The following TRAPPC9 variants were observed in gnomAD, a reference collection of about 807,000 sequenced individuals.
TRAPPC9 encodes the protein trafficking protein particle complex subunit 9, also known as IKK2 binding protein.
In TRAPPC9, 83 loss-of-function variants were observed where a neutral mutation model predicts 124.0. The observed-to-expected ratio is 0.67, with a 90% CI of 0.56 to 0.80. TRAPPC9 has a LOEUF of 0.80. Among genes scored for constraint, TRAPPC9 ranks in the 30% least tolerant of loss-of-function variants. The pLI, the probability that TRAPPC9 is intolerant of heterozygous loss-of-function variation, is 0.00. For synonymous variants in TRAPPC9, 638 were observed against 617.5 expected (o/e 1.03, Z -0.49); for missense variants, 1,302 against 1,508.3 (o/e 0.86, Z 2.27).
At chr8:139,851,336 T>C (rs1827442330) in intron 21 of TRAPPC9, among the ~76,000 whole-genome samples, 1 of 152,150 alleles carries the variant, frequency 6.6e-6, no homozygotes, top group Non-Finnish European at 1.5e-5. Context: ...TACTTTCAAC[T>C]GGAATTCAGG....
rs375225990 is a variant in TRAPPC9 at position 139,803,729 on chromosome 8, G to C, written c.3056-71527C>G. On this transcript the variant is annotated intron_variant, in intron 21 of 22. Transcript: ENST00000438773. ...CAAAGGCGATATGTGGCTGTTCCCC[G>C]GAGTCACTGGAAGGCAGGGCTATTT... Among the ~76,000 whole-genome samples, 9 of 152,274 alleles carry C rather than the reference G, an allele frequency of 5.9e-5. No individual in the cohort carries two copies. The East Asian group carries it at 1.5e-3, about 26-fold the overall frequency.
In TRAPPC9 at chr8:140,097,366, C is replaced by T. The variant is rs1174298138; in HGVS notation, c.2557-73287G>A. On this transcript the variant is annotated intron_variant, in intron 17 of 22. Transcript: ENST00000438773. This position sits in a 1 kb window ranked among gnomAD's most constrained non-coding sequence, Gnocchi z 4.2. The stretch of plus-strand genomic sequence containing the variant: ...GCCACTGTCTGCAGGGTAAGGACGC[C>T]CACCTGGGTTCTTGTGCCAGCCACA... The T allele has an allele frequency of 6.6e-6, 1 of 152,292 alleles. No homozygotes were observed. The highest frequency in any genetic ancestry group is 1.9e-4 in the East Asian group (1 of 5,182). 9.4% of individuals were successfully genotyped at this position (152,292 alleles called of 1,614,324 possible).
chr8:140,450,968 G>A lies in TRAPPC9; in HGVS notation c.406C>T (p.Pro136Ser), dbSNP rs761920741. 2 of 1,614,146 alleles carry A rather than the reference G, an allele frequency of 1.2e-6. No homozygotes were observed. Among genetic ancestry groups the A allele is most frequent in the Non-Finnish European group, 1.7e-6 (2 of 1,180,020 alleles). ...EQPRTDVAFY[P>S]NYEDCQTVEK... Reference sequence around the variant, plus strand: ...ACCGTCTGGCAGTCCTCGTAGTTGGGGTAGAAAGCCACGTCGGTGCGCGGC... The same window carrying A: ...ACCGTCTGGCAGTCCTCGTAGTTGGAGTAGAAAGCCACGTCGGTGCGCGGC... Residue 136 changes from proline (P) to serine (S), a missense_variant, in exon 2 of 23, where the codon CCC (proline) becomes TCC (serine). This residue lies in a region of TRAPPC9 where 657 missense variants were observed against 811.2 expected (regional missense o/e 0.81). Coordinates refer to ENST00000438773, the MANE Select transcript of TRAPPC9 (RefSeq NM_001160372.4).
chr8:139,786,623 C>G (rs1243684507), intron 21 of TRAPPC9, among the ~76,000 whole-genome samples: 1 of 152,184 alleles, frequency 6.6e-6, no homozygotes, highest in Non-Finnish European at 1.5e-5. Context: ...GTCTTAGCTG[C>G]TTTACATTTG....
chr8:140,348,934 G>A (rs2067434454), intron 9 of TRAPPC9, among the ~76,000 whole-genome samples: 1 of 152,062 alleles, frequency 6.6e-6, no homozygotes, highest in Non-Finnish European at 1.5e-5. Flanking sequence ...GCTGGGAAAA[G>A]GAAGAAAGCA....
chr8:139,871,728 A>C (rs1381386145), intron 21 of TRAPPC9, among the ~76,000 whole-genome samples: 1 of 152,232 alleles, frequency 6.6e-6, no homozygotes, highest in East Asian at 1.9e-4. Flanking sequence ...TCTAGCACAG[A>C]CTGGCACCAA....
At chr8:140,159,883 C>T (rs1450448952) in intron 17 of TRAPPC9, among the ~76,000 whole-genome samples, 2 of 152,156 alleles carry the variant, frequency 1.3e-5, no homozygotes, top group Non-Finnish European at 2.9e-5. Flanking sequence ...TAGTCTGCGG[C>T]CCCTGTTTTA....
chr8:140,153,708 G>A (rs963207879), intron 17 of TRAPPC9, among the ~76,000 whole-genome samples: 5 of 152,134 alleles, frequency 3.3e-5, no homozygotes, highest in Non-Finnish European at 7.4e-5. Context: ...GACCAGCACA[G>A]TGATTTTTCT....
At chr8:140,039,233 G>C (rs980258957) in intron 17 of TRAPPC9, among the ~76,000 whole-genome samples, 2 of 152,190 alleles carry the variant, frequency 1.3e-5, no homozygotes, top group South Asian at 2.1e-4. Context: ...TATTAACCAG[G>C]ACTATAAACG....
Position 139,884,190 on chromosome 8 carries a change from T to A in TRAPPC9, c.3055+1689A>T, listed in dbSNP as rs1829856825. On this transcript the variant is annotated intron_variant, in intron 21 of 22. Transcript: ENST00000438773. Reference sequence around the variant, plus strand: ...ACCCTCCCTACCCTTAGGGCCCACCTAGAACAGTGTCAAGGGCAGTTCGTG... The same window carrying A: ...ACCCTCCCTACCCTTAGGGCCCACCAAGAACAGTGTCAAGGGCAGTTCGTG... 2.6e-5 allele frequency among the ~76,000 whole-genome samples: 4 copies of A among 152,082 alleles called. No homozygotes were observed. In the South Asian group the frequency reaches 8.3e-4, roughly 32 times the overall value.
At chr8:140,267,663 GT>G (rs1212255226) in intron 15 of TRAPPC9, among the ~76,000 whole-genome samples, 1 of 107,544 alleles carries the variant, frequency 9.3e-6, no homozygotes, top group Non-Finnish European at 1.8e-5. Flanking sequence ...GGGGTTTTTC[GT>G]TGTTGTTGTT....
chr8:139,930,886 G>A (rs887157186), intron 19 of TRAPPC9, among the ~76,000 whole-genome samples: 5 of 152,186 alleles, frequency 3.3e-5, no homozygotes, highest in African/African-American at 1.2e-4. Context: ...AGTGCTCAGT[G>A]TACGCTGGAC....
At chr8:140,009,140 G>T (rs1461653712) in intron 18 of TRAPPC9, among the ~76,000 whole-genome samples, 1 of 152,114 alleles carries the variant, frequency 6.6e-6, no homozygotes, top group Non-Finnish European at 1.5e-5. Flanking sequence ...CTGTAGAAAT[G>T]TACTTATCAT....
intron 2 of TRAPPC9, among the ~76,000 whole-genome samples, chr8:140,448,313 C>T (rs1017764954): frequency 3.3e-5 from 5 of 152,192 alleles, no homozygotes; most frequent in Non-Finnish European, 2.9e-5. Flanking sequence ...CTACAGTGAG[C>T]AAGCAGCTTT....
chr8:140,452,473 C>T lies in TRAPPC9; in HGVS notation c.-10-1090G>A, dbSNP rs187266681. Among the ~76,000 whole-genome samples the T allele has an allele frequency of 6.1e-3, 903 of 147,344 alleles. 5 individuals are homozygous for T. The highest frequency in any genetic ancestry group is 0.01 in the Non-Finnish European group (677 of 66,760). The stretch of plus-strand genomic sequence containing the variant: ...AAGAAAAAGAACTTGCCTTATAAAA[C>T]TGTATCTAGATTGAGGAGGTTGCGA... On this transcript the variant is annotated intron_variant, in intron 1 of 22. Coordinates refer to ENST00000438773, the MANE Select transcript of TRAPPC9 (RefSeq NM_001160372.4).
intron 13 of TRAPPC9, 58 bp from the exon 14 acceptor site, chr8:140,284,079 C>T (rs141084865): frequency 2.1e-5 from 34 of 1,609,252 alleles, no homozygotes; most frequent in Middle Eastern, 3.5e-4. Context: ...CTCACGCCCA[C>T]GGCTGAAGCA....
chr8:139,899,972 G>A (rs1006015159), intron 20 of TRAPPC9, among the ~76,000 whole-genome samples: 4 of 152,148 alleles, frequency 2.6e-5, no homozygotes, highest in Non-Finnish European at 5.9e-5. Context: ...TGTTCTAGAT[G>A]TACAAGGCCA....
intron 17 of TRAPPC9, among the ~76,000 whole-genome samples, chr8:140,122,007 C>CTT (rs1554627614): frequency 6.2e-4 from 92 of 149,348 alleles, no homozygotes; most frequent in African/African-American, 2.3e-3. Flanking sequence ...TGGAGTCCAT[C>CTT]TCTTTCTTTC....
intron 19 of TRAPPC9, among the ~76,000 whole-genome samples, chr8:139,949,618 T>C (rs764756319): frequency 6.6e-6 from 1 of 152,238 alleles, no homozygotes. Context: ...CTGATTACAT[T>C]ACATGCTGAG....
Sources: gnomAD v4.1 joint callset for allele counts (sites outside exome capture counted in the v4.1 genomes callset) on GRCh38, gnomAD v4.1.1 for gene constraint, gnomAD v4.1.1 regional missense constraint, Gnocchi (gnomAD v3.1) non-coding constraint, MANE v1.5 for transcripts, NCBI Gene and HGNC (gene_info 2026-07-23, HGNC 2026-07-21) for gene names.